The following SUGP1 variants were observed in gnomAD, a reference collection of about 807,000 sequenced individuals.
SUGP1 encodes SURP and G-patch domain containing 1.
In SUGP1, 34 loss-of-function variants were observed where a neutral mutation model predicts 76.5. The observed-to-expected ratio is 0.44, with a 90% CI of 0.34 to 0.59. The LOEUF is 0.59. Ranked by LOEUF, SUGP1 falls within the 20% of genes least tolerant of loss-of-function variation. The pLI, the probability that SUGP1 is intolerant of heterozygous loss-of-function variation, is 0.01. For missense variants in SUGP1, 752 were observed against 851.7 expected (o/e 0.88, Z 1.46); for synonymous variants, 326 against 326.2 (o/e 1.00, Z 0.01).
At chr19:19,278,242 A>G (rs999827751) in intron 11 of SUGP1, among the ~76,000 whole-genome samples, 3 of 152,124 alleles carry the variant, frequency 2.0e-5, no homozygotes, top group African/African-American at 7.2e-5. Context: ...CGAGGTTACC[A>G]CCTCACTAAT....
chr19:19,277,688 CA>C (rs746540159), intron 12 of SUGP1, 45 bp downstream of exon 12: 1 of 1,600,234 alleles, frequency 6.2e-7, no homozygotes, highest in South Asian at 1.1e-5. Flanking sequence ...AGGGGACCCA[CA>C]GACCCCAAGT....
chr19:19,288,849 G>A (rs148447990), intron 8 of SUGP1, among the ~76,000 whole-genome samples: 1,612 of 152,028 alleles, frequency 0.011, 29 homozygotes, highest in African/African-American at 0.036. Context: ...GCAGTGGCGC[G>A]ATCTCAGCTC....
At chr19:19,302,426 C>A (rs201788553) in intron 6 of SUGP1, 38 bp from the exon 7 acceptor site, 1 of 1,601,708 alleles carries the variant, frequency 6.2e-7, no homozygotes. Flanking sequence ...CAACTCACCA[C>A]ACCCAACAGC....
chr19:19,312,533 C>G (rs1003372181), intron 2 of SUGP1, among the ~76,000 whole-genome samples: 4 of 152,044 alleles, frequency 2.6e-5, no homozygotes, highest in Non-Finnish European at 4.4e-5. Flanking sequence ...AGCCTTTTTC[C>G]TTTAAATAGG....
In SUGP1 at chr19:19,297,364, G is replaced by A. The variant is rs766874780; in HGVS notation, c.888-20C>T. 8 of 1,501,398 alleles carry A rather than the reference G, an allele frequency of 5.3e-6. No homozygotes were observed. In the East Asian group the frequency reaches 6.9e-5, roughly 13 times the overall value. 93.0% of individuals were successfully genotyped at this position (1,501,398 alleles called of 1,614,324 possible). ...AGAAAGCTGCAAAGGAGAGTTGGGG[G>A]GTGCAGTGTCAGCTGGGCCCGAGGC... On this transcript the variant is annotated intron_variant, in intron 7 of 13. Transcript: ENST00000247001.
intron 8 of SUGP1, among the ~76,000 whole-genome samples, chr19:19,296,515 C>T (rs1248802630): frequency 2.6e-5 from 4 of 151,794 alleles, no homozygotes; most frequent in African/African-American, 9.7e-5. Context: ...GGCATGGTGG[C>T]GGGCACCTGT....
chr19:19,279,217 G>A lies in SUGP1; in HGVS notation c.1524C>T (p.Thr508=). ...HQLRRMEMDK[T]REWAEQLTKM... ...CCACCCCGCTGCCCCACATACCCCT[G>A]GTCTTATCCATCTCCATGCGCCGCA... The change falls in exon 10 of 14, where the codon ACC becomes ACT. Residue 508 remains threonine, a synonymous_variant. Transcript: ENST00000247001. The A allele has an allele frequency of 1.2e-6, 2 of 1,604,176 alleles. No individual in the cohort carries two copies. The highest frequency in any genetic ancestry group is 1.7e-6 in the Non-Finnish European group (2 of 1,177,774).
chr19:19,288,367 C>T (rs1012706380), intron 8 of SUGP1, among the ~76,000 whole-genome samples: 1 of 152,140 alleles, frequency 6.6e-6, no homozygotes, highest in Non-Finnish European at 1.5e-5. Context: ...TATTTTCTTT[C>T]TTCTAGCTTA....
rs1045003 is a variant in SUGP1 at position 19,276,625 on chromosome 19, G to A, written c.*23C>T. ...CAGTCCAGGGACGGTTGGTCATTCA[G>A]AAAGTATGTATTTCCAGAACACTCA... On this transcript the variant is annotated 3_prime_UTR_variant, in exon 14 of 14. Transcript: ENST00000247001. The A allele has an allele frequency of 1.2e-6, 2 of 1,613,984 alleles. No individual in the cohort carries two copies. Among genetic ancestry groups the A allele is most frequent in the East Asian group, 2.2e-5 (1 of 44,898 alleles).
chr19:19,296,555 G>A (rs2061226932), intron 8 of SUGP1, among the ~76,000 whole-genome samples: 1 of 151,906 alleles, frequency 6.6e-6, no homozygotes, highest in Non-Finnish European at 1.5e-5. Flanking sequence ...GCTGAGGCAG[G>A]AGAATGGTGT....
chr19:19,292,131 G>A (rs2061189494), intron 8 of SUGP1, among the ~76,000 whole-genome samples: 1 of 151,124 alleles, frequency 6.6e-6, no homozygotes, highest in Non-Finnish European at 1.5e-5. Context: ...AAATTAGCCA[G>A]GTATGGTGGC....
chr19:19,306,671 C>G (rs1262705575), intron 3 of SUGP1, among the ~76,000 whole-genome samples: 1 of 152,258 alleles, frequency 6.6e-6, no homozygotes, highest in Non-Finnish European at 1.5e-5. Context: ...AGAAGCTCCA[C>G]GGGTGACGAT....
chr19:19,278,818 T>C (rs2061074278), intron 10 of SUGP1, 22 bp from the exon 11 acceptor site: 2 of 1,604,192 alleles, frequency 1.2e-6, no homozygotes, highest in Admixed American at 1.7e-5. Context: ...AGCAGAAAGG[T>C]GAGAAGAGGG....
Position 19,276,940 on chromosome 19 carries a change from T to C in SUGP1, c.1911+7A>G, listed in dbSNP as rs200697806. 2.0e-4 allele frequency: 321 copies of C among 1,612,854 alleles called. 2 individuals are homozygous for C. In the African/African-American group the frequency reaches 4.0e-3, roughly 20 times the overall value. Reference sequence around the variant, plus strand: ...TGAGCAAAGGCAGCCCAGGAGGACATGCGTACCAGGGGGTTGGGCCGGAAG... The same window carrying C: ...TGAGCAAAGGCAGCCCAGGAGGACACGCGTACCAGGGGGTTGGGCCGGAAG... On this transcript the variant is annotated splice_region_variant and intron_variant, in intron 13 of 13. Transcript: ENST00000247001.
intron 4 of SUGP1, 147 bp from the exon 5 acceptor site, chr19:19,303,994 A>C: frequency 6.3e-7 from 1 of 1,594,996 alleles, no homozygotes; most frequent in South Asian, 1.1e-5. Flanking sequence ...GTCCAGGCAC[A>C]AAACACCATG....
intron 3 of SUGP1, 77 bp downstream of exon 3, chr19:19,310,020 C>T: frequency 9.0e-7 from 1 of 1,117,170 alleles, no homozygotes; most frequent in Non-Finnish European, 1.4e-6. Flanking sequence ...GAGGTGGGAC[C>T]CATCACTTCC....
chr19:19,294,404 G>T (rs1223791845), intron 8 of SUGP1, among the ~76,000 whole-genome samples: 1 of 149,826 alleles, frequency 6.7e-6, no homozygotes, highest in Non-Finnish European at 1.5e-5. Flanking sequence ...TGCACTTGTA[G>T]TCCCACCTAC....
intron 7 of SUGP1, among the ~76,000 whole-genome samples, chr19:19,301,386 A>G (rs868437981): frequency 2.6e-5 from 4 of 151,986 alleles, no homozygotes; most frequent in African/African-American, 7.2e-5. Context: ...CCACCTCCCA[A>G]TGGTGGCCCA....
chr19:19,280,410 A>G, intron 8 of SUGP1, 119 bp from the exon 9 acceptor site: 1 of 877,944 alleles, frequency 1.1e-6, no homozygotes, highest in Non-Finnish European at 1.8e-6. Context: ...CGGGGACCTC[A>G]TATCATTACT....
Sources: allele counts gnomAD v4.1 joint callset (sites outside exome capture counted in the v4.1 genomes callset), GRCh38; gene constraint gnomAD v4.1.1; transcripts MANE v1.5; gene names NCBI Gene and HGNC (gene_info 2026-07-23, HGNC 2026-07-21).